Variants in RPAP3 observed in about 807,000 individuals in gnomAD.
The protein encoded by RPAP3 is RNA polymerase II-associated protein 3.
A neutral mutation model predicts 88.8 loss-of-function variants in RPAP3; 58 were observed. The observed-to-expected ratio is 0.65, with a 90% CI of 0.53 to 0.81. The LOEUF is 0.81. RPAP3 is among the 40% of genes least tolerant of loss of function. The probability of loss-of-function intolerance (pLI) is 0.00; values close to 1 mark genes in which losing one functional copy is unlikely to be tolerated. For missense variants in RPAP3, 751 were observed against 764.3 expected, an observed-to-expected ratio of 0.98 and a Z score of 0.20; for synonymous variants, 255 against 259.9, an observed-to-expected ratio of 0.98 and a Z score of 0.18.
intron 14 of RPAP3, among the ~76,000 whole-genome samples, chr12:47,668,689 T>C (rs1371220196): frequency 1.3e-5 from 2 of 152,180 alleles, no homozygotes; most frequent in Admixed American, 1.3e-4. Context: ...TGAAATTAGA[T>C]TACGTTATTT....
intron 16 of RPAP3, 120 bp from the exon 17 acceptor site, chr12:47,663,710 T>A (rs756225734): frequency 4.5e-5 from 23 of 508,930 alleles, no homozygotes; most frequent in Non-Finnish European, 7.3e-5. Context: ...AATACATAGG[T>A]TTATAAATTC....
intron 12 of RPAP3, among the ~76,000 whole-genome samples, chr12:47,675,156 A>T (rs957645621): frequency 1.3e-5 from 2 of 152,184 alleles, no homozygotes; most frequent in African/African-American, 4.8e-5. Flanking sequence ...TAAGCTTCCT[A>T]AGTGAAGGAG....
intron 12 of RPAP3, among the ~76,000 whole-genome samples, chr12:47,673,444 C>CAAAAA: frequency 3.3e-5 from 2 of 60,764 alleles, no homozygotes; most frequent in Non-Finnish European, 3.7e-5. Flanking sequence ...AACTCCGTCT[C>CAAAAA]AAAAAAAAAA....
intron 6 of RPAP3, among the ~76,000 whole-genome samples, chr12:47,690,282 A>T (rs1314490762): frequency 6.6e-6 from 1 of 152,182 alleles, no homozygotes; most frequent in Non-Finnish European, 1.5e-5. Context: ...ATCAGAGGAG[A>T]TATTGGTCAC....
chr12:47,673,904 T>A (rs1473605688), intron 12 of RPAP3, among the ~76,000 whole-genome samples: 1 of 152,082 alleles, frequency 6.6e-6, no homozygotes, highest in Non-Finnish European at 1.5e-5. Context: ...TACAAAGACA[T>A]TTAATTTCTA....
At chr12:47,673,188 A>G (rs961946732) in intron 12 of RPAP3, among the ~76,000 whole-genome samples, 2 of 152,152 alleles carry the variant, frequency 1.3e-5, no homozygotes, top group Admixed American at 1.3e-4. Flanking sequence ...CATGCCTGTA[A>G]TCCTAGCACT....
At chr12:47,702,317 G>A (rs1312112712) in intron 2 of RPAP3, among the ~76,000 whole-genome samples, 1 of 152,098 alleles carries the variant, frequency 6.6e-6, no homozygotes, top group Non-Finnish European at 1.5e-5. Context: ...AGGCCGAGGT[G>A]GGTGGATCAC....
intron 3 of RPAP3, chr12:47,699,991 CTT>C (rs34436877): frequency 1.6e-4 from 19 of 119,330 alleles, no homozygotes; most frequent in South Asian, 5.4e-4. Context: ...TGGAAATGTT[CTT>C]TTTTTTTTTT....
rs1397554131 is a variant in RPAP3 at position 47,662,315 on chromosome 12, A to G, written c.*1190T>C. 1 of 152,244 alleles carries G rather than the reference A, an allele frequency of 6.6e-6. No homozygotes were observed. 9.4% of individuals were successfully genotyped at this position (152,244 alleles called of 1,614,324 possible). ...GCAATAAACAAAGTTAATAAACTCT[A>G]TCAAGTGTATTTTAAAGCATTCAAA... is the stretch of plus-strand genomic sequence containing the variant. On this transcript the variant is annotated 3_prime_UTR_variant, in exon 17 of 17. Transcript: ENST00000005386.
intron 12 of RPAP3, among the ~76,000 whole-genome samples, chr12:47,671,647 A>T (rs1297606379): frequency 2.0e-5 from 3 of 152,240 alleles, no homozygotes; most frequent in Non-Finnish European, 4.4e-5. Context: ...ATGCTTTGCT[A>T]AGAACTGTAT....
At position 47,686,339 on chromosome 12, in the gene RPAP3, A is replaced by C. The variant is rs375740100; in HGVS notation, c.992+441T>G. On this transcript the variant is annotated intron_variant, in intron 9 of 16. Transcript: ENST00000005386. ...ATGTATGTATATAAAACATTTCCAG[A>C]TAAGACTTTGCCCAAGGGGCTCTGA... Among the ~76,000 whole-genome samples, 30 of 152,322 alleles carry C rather than the reference A, an allele frequency of 2.0e-4. 1 individual carries two copies. In the East Asian group the frequency reaches 3.3e-3, roughly 17 times the overall value.
At chr12:47,698,703 G>A (rs903885974) in intron 3 of RPAP3, among the ~76,000 whole-genome samples, 1 of 151,704 alleles carries the variant, frequency 6.6e-6, no homozygotes, top group Non-Finnish European at 1.5e-5. Flanking sequence ...TTGTAGAGAC[G>A]GGCTTTTGCC....
At chr12:47,704,367 G>C (rs960881567) in intron 1 of RPAP3, among the ~76,000 whole-genome samples, 3 of 152,032 alleles carry the variant, frequency 2.0e-5, no homozygotes, top group African/African-American at 7.2e-5. Context: ...AGACTATTCA[G>C]AGTTTTTGTT....
At chr12:47,681,875 T>C (rs1276830586) in intron 9 of RPAP3, 58 bp from the exon 10 acceptor site, 12 of 1,478,318 alleles carry the variant, frequency 8.1e-6, no homozygotes, top group Non-Finnish European at 1.1e-5. Context: ...AAAAATGTCA[T>C]ATAAACTAAG....
intron 12 of RPAP3, among the ~76,000 whole-genome samples, chr12:47,676,197 T>C (rs1326647556): frequency 2.6e-5 from 4 of 152,124 alleles, no homozygotes; most frequent in Non-Finnish European, 4.4e-5. Context: ...TGGAAACCAA[T>C]GAGAACAAAG....
chr12:47,689,140 G>T lies in RPAP3; in HGVS notation c.723C>A (p.Leu241=). 7.0e-7 allele frequency: 1 copy of T among 1,433,576 alleles called. No homozygotes were observed. The highest frequency in any genetic ancestry group is 9.7e-7 in the Non-Finnish European group (1 of 1,025,984). 88.8% of individuals were successfully genotyped at this position (1,433,576 alleles called of 1,614,324 possible). ...TATAGTTTACCTGACTGATTTTCCT[G>T]AGTTCATTTGTTGCTTCAAAGTTAT... ...EPNNFEATNE[L]RKISQALASK... is the part of the protein sequence containing the mutation. Residue 241 remains leucine (L), a synonymous_variant, in exon 7 of 17, where the codon CTC becomes CTA. Coordinates refer to ENST00000005386, the MANE Select transcript of RPAP3 (RefSeq NM_024604.3).
intron 3 of RPAP3, among the ~76,000 whole-genome samples, chr12:47,698,900 G>A (rs1276789074): frequency 2.6e-4 from 39 of 152,022 alleles, no homozygotes; most frequent in Non-Finnish European, 1.0e-4. Flanking sequence ...AGTTATTTAC[G>A]TAGGAAAAAA....
In RPAP3 at chr12:47,702,850, CAG is replaced by C; in HGVS notation, c.-6-6_-6-5del. The stretch of plus-strand genomic sequence containing the variant: ...TATTTGCTGAAGTCATTATGGTCTG[CAG>C]AGTTTTGAACAACCAACCTCTGATA... On this transcript the variant is annotated splice_polypyrimidine_tract_variant and splice_region_variant and intron_variant, in intron 1 of 16. Coordinates refer to ENST00000005386, the MANE Select transcript of RPAP3 (RefSeq NM_024604.3). 1.2e-6 allele frequency: 2 copies of C among 1,608,402 alleles called. No individual in the cohort carries two copies. The highest frequency in any genetic ancestry group is 2.2e-5 in the South Asian group (2 of 89,480).
chr12:47,703,996 T>C (rs1939711191), intron 1 of RPAP3, among the ~76,000 whole-genome samples: 2 of 152,136 alleles, frequency 1.3e-5, no homozygotes, highest in Non-Finnish European at 1.5e-5. Flanking sequence ...AAACGGAAAG[T>C]CAGATTATTT....
Sources: gnomAD v4.1 joint callset for allele counts (sites outside exome capture counted in the v4.1 genomes callset) on GRCh38, gnomAD v4.1.1 for gene constraint, MANE v1.5 for transcripts, NCBI Gene and HGNC (gene_info 2026-07-23, HGNC 2026-07-21) for gene names.